The following ANTXR1 variants were observed in gnomAD, a reference collection of about 807,000 sequenced individuals.
ANTXR1 encodes ANTXR cell adhesion molecule 1.
A neutral mutation model predicts 78.1 loss-of-function variants in ANTXR1; 19 were observed. The observed-to-expected ratio is 0.24, with a 90% confidence interval of 0.17 to 0.36. The LOEUF is 0.36. Among genes scored for constraint, ANTXR1 ranks in the 10% least tolerant of loss-of-function variants. The probability of loss-of-function intolerance (pLI) is 1.00; values close to 1 mark genes in which losing one functional copy is unlikely to be tolerated. For missense variants in ANTXR1, 518 were observed against 718.6 expected (o/e 0.72, Z 3.19); for synonymous variants, 273 against 260.5 (o/e 1.05, Z -0.46).
Position 69,182,597 on chromosome 2 carries a change from G to T in ANTXR1, c.1290G>T (p.Pro430=), listed in dbSNP as rs774182006. 2 of 1,614,152 alleles carry T rather than the reference G, an allele frequency of 1.2e-6. No homozygotes were observed. The highest frequency in any genetic ancestry group is 1.7e-5 in the Admixed American group (1 of 60,020). ...MPEQEYEFPE[P]RNLNNNMRRP... is the part of the protein sequence containing the mutation. ...AGCAGGAATATGAATTCCCTGAGCC[G>T]CGAAATCTCAACAACAATATGCGTC... The change falls in exon 16 of 18, where the codon CCG becomes CCT. Residue 430 remains proline, a synonymous_variant. Transcript: ENST00000303714.
At chr2:69,224,747 C>A (rs1675399788) in intron 17 of ANTXR1, among the ~76,000 whole-genome samples, 2 of 152,156 alleles carry the variant, frequency 1.3e-5, no homozygotes, top group Admixed American at 6.5e-5. Flanking sequence ...ATGTCATTTT[C>A]CCATGAAAAT....
At chr2:69,167,743 T>G (rs1673868286) in intron 13 of ANTXR1, among the ~76,000 whole-genome samples, 2 of 152,176 alleles carry the variant, frequency 1.3e-5, no homozygotes, top group South Asian at 4.1e-4. Context: ...AGGTGCTTAA[T>G]TCCTGTTTAC....
intron 17 of ANTXR1, among the ~76,000 whole-genome samples, chr2:69,208,483 A>C (rs959467126): frequency 6.6e-6 from 1 of 152,316 alleles, no homozygotes; most frequent in Non-Finnish European, 1.5e-5. Flanking sequence ...AAGAATAGGA[A>C]ATATTTCTTT....
At chr2:69,142,767 G>T (rs958697458) in intron 12 of ANTXR1, among the ~76,000 whole-genome samples, 2 of 152,134 alleles carry the variant, frequency 1.3e-5, no homozygotes, top group African/African-American at 4.8e-5. Context: ...CGTGACAGAA[G>T]AGCGAGGTAT....
rs1470879221 is a variant in ANTXR1, at chr2:69,246,310, C to T, written c.*825C>T. The T allele has an allele frequency of 1.3e-5, 2 of 152,140 alleles. No homozygotes were observed. The highest frequency in any genetic ancestry group is 4.8e-5 in the African/African-American group (2 of 41,418). The allele number at this position is 152,140 out of a possible 1,614,324, so 9.4% of individuals were successfully genotyped here. ...CTAAATCAACAGACAATGGCATTGT[C>T]GAAGAGCAACCTGTTAATGAATCAT... On this transcript the variant is annotated 3_prime_UTR_variant, in exon 18 of 18. Transcript: ENST00000303714.
chr2:69,089,515 A>G (rs1041913185), intron 8 of ANTXR1, among the ~76,000 whole-genome samples: 1 of 152,232 alleles, frequency 6.6e-6, no homozygotes, highest in Non-Finnish European at 1.5e-5. Context: ...TAAGCTCCTC[A>G]GCATATTTTT....
chr2:69,197,648 GGGGCATT>G lies in ANTXR1; in HGVS notation c.1434+4235_1434+4241del, dbSNP rs1307467632. On this transcript the variant is annotated intron_variant, in intron 17 of 17. Coordinates refer to ENST00000303714, the MANE Select transcript of ANTXR1 (RefSeq NM_032208.3). ...TGCTGGCCAGACTCATGCTTGAAAG[GGGGCATT>G]GCCCAAGCAGAACACATTTGACAGA... 3.9e-5 allele frequency among the ~76,000 whole-genome samples: 6 copies of G among 152,258 alleles called. No homozygotes were observed. The East Asian group carries it at 1.2e-3, about 29-fold the overall frequency.
At chr2:69,186,152 C>G (rs1471721325) in intron 16 of ANTXR1, among the ~76,000 whole-genome samples, 2 of 152,152 alleles carry the variant, frequency 1.3e-5, no homozygotes, top group East Asian at 3.8e-4. Flanking sequence ...GCCAGTCAAA[C>G]CACACAGACC....
chr2:69,040,368 T>C (rs1235335768), intron 2 of ANTXR1, among the ~76,000 whole-genome samples: 2 of 152,236 alleles, frequency 1.3e-5, no homozygotes, highest in African/African-American at 4.8e-5. Context: ...CTCCCTTCTC[T>C]GTTGAATAGC....
At chr2:69,207,889 C>G (rs770487017) in intron 17 of ANTXR1, among the ~76,000 whole-genome samples, 1 of 152,176 alleles carries the variant, frequency 6.6e-6, no homozygotes, top group Non-Finnish European at 1.5e-5. Context: ...GGTGGTTTCT[C>G]TCTCCCCCAG....
Position 69,138,008 on chromosome 2 carries a change from C to T in ANTXR1, c.951+13365C>T, listed in dbSNP as rs532787150. ...CTGAGGCAGGAGAATTGCTAGAACC[C>T]GGGAGGCGGAGATTGCAATGAGCCA... On this transcript the variant is annotated intron_variant, in intron 12 of 17. Transcript: ENST00000303714. 4.7e-5 allele frequency among the ~76,000 whole-genome samples: 7 copies of T among 149,220 alleles called. No individual in the cohort carries two copies. In the South Asian group the frequency reaches 1.1e-3, roughly 23 times the overall value.
intron 17 of ANTXR1, among the ~76,000 whole-genome samples, chr2:69,235,274 T>C (rs1675727981): frequency 6.6e-6 from 1 of 152,012 alleles, no homozygotes; most frequent in African/African-American, 2.4e-5. Flanking sequence ...CTGCCCATCT[T>C]GGCCTCCCAA....
chr2:69,142,173 T>G (rs1673088113), intron 12 of ANTXR1, among the ~76,000 whole-genome samples: 1 of 152,212 alleles, frequency 6.6e-6, no homozygotes, highest in Non-Finnish European at 1.5e-5. Flanking sequence ...GCCATGAGGT[T>G]GATGCAGCCA....
At chr2:69,077,319 G>A in intron 7 of ANTXR1, 89 bp from the exon 8 acceptor site, 1 of 1,386,600 alleles carries the variant, frequency 7.2e-7, no homozygotes, top group South Asian at 1.2e-5. Context: ...AATATAACTA[G>A]AGCCCCTTAG....
intron 1 of ANTXR1, among the ~76,000 whole-genome samples, chr2:69,036,863 C>T (rs1367629733): frequency 2.6e-5 from 4 of 152,216 alleles, no homozygotes; most frequent in Admixed American, 6.5e-5. Flanking sequence ...AGGGCCAGAG[C>T]ATCCACCCTA....
chr2:69,178,559 A>G (rs1674192139), intron 14 of ANTXR1, among the ~76,000 whole-genome samples: 1 of 138,104 alleles, frequency 7.2e-6, no homozygotes, highest in East Asian at 1.9e-4. Flanking sequence ...CAGCGGCAAG[A>G]GGGAGGGGCC....
chr2:69,148,291 C>A (rs552843251), intron 12 of ANTXR1, among the ~76,000 whole-genome samples: 5 of 152,324 alleles, frequency 3.3e-5, no homozygotes, highest in African/African-American at 1.2e-4. Flanking sequence ...ACTGCCCCTG[C>A]CCTACCCCAG....
In ANTXR1 at chr2:69,013,329, A is replaced by G; in HGVS notation, c.-171A>G. On this transcript the variant is annotated 5_prime_UTR_variant, in exon 1 of 18. Coordinates refer to ENST00000303714, the MANE Select transcript of ANTXR1 (RefSeq NM_032208.3). The surrounding 1 kb of genome is among the most constrained non-coding windows in gnomAD (Gnocchi z 5.0). ...CAGAAACAGCATCGGAGCGGAAACC[A>G]GAGGGGAAACCTTGAACTCCTCCAG... 1.2e-6 allele frequency: 1 copy of G among 866,700 alleles called. No individual in the cohort carries two copies. The allele number at this position is 866,700 out of a possible 1,614,324, so 53.7% of individuals were successfully genotyped here. A position where few individuals can be genotyped will look rare whatever the true frequency, so the allele number is the denominator to read the frequency against.
chr2:69,215,522 T>C (rs755300534), intron 17 of ANTXR1, among the ~76,000 whole-genome samples: 17 of 152,236 alleles, frequency 1.1e-4, no homozygotes, highest in Non-Finnish European at 2.4e-4. Context: ...GGCATAGACA[T>C]CATCTGGTTT....
Sources: allele counts gnomAD v4.1 joint callset (sites outside exome capture counted in the v4.1 genomes callset), GRCh38; gene constraint gnomAD v4.1.1; non-coding constraint Gnocchi (gnomAD v3.1); transcripts MANE v1.5; gene names NCBI Gene and HGNC (gene_info 2026-07-23, HGNC 2026-07-21).